The following VAV2 variants were observed in gnomAD, a reference collection of about 807,000 sequenced individuals.
VAV2 encodes guanine nucleotide exchange factor VAV2.
A neutral mutation model predicts 132.5 loss-of-function variants in VAV2; 67 were observed. The observed-to-expected ratio is 0.51, with a 90% CI of 0.42 to 0.62. The LOEUF (loss-of-function observed/expected upper bound fraction) is 0.62, where lower values mean the gene tolerates loss of function less well. Among genes scored for constraint, VAV2 ranks in the 20% least tolerant of loss-of-function variants. The pLI, the probability that VAV2 is intolerant of heterozygous loss-of-function variation, is 0.00. For missense variants in VAV2, 938 were observed against 1,153.6 expected, an observed-to-expected ratio of 0.81 and a Z score of 2.71; for synonymous variants, 492 against 443.5, an observed-to-expected ratio of 1.11 and a Z score of -1.37.
At chr9:133,844,450 G>A (rs1836851716) in intron 3 of VAV2, among the ~76,000 whole-genome samples, 2 of 152,198 alleles carry the variant, frequency 1.3e-5, no homozygotes, top group Admixed American at 6.5e-5. Context: ...TCAGAGAACG[G>A]GGCTGAGGGA....
At chr9:133,831,570 G>C (rs1014093764) in intron 4 of VAV2, among the ~76,000 whole-genome samples, 1 of 152,138 alleles carries the variant, frequency 6.6e-6, no homozygotes, top group Non-Finnish European at 1.5e-5. Flanking sequence ...GGGGGCTGTA[G>C]TTCAGGAAGT....
chr9:133,933,824 GTGGATGGA>G (rs1176880595), intron 2 of VAV2, among the ~76,000 whole-genome samples: 2 of 143,262 alleles, frequency 1.4e-5, no homozygotes, highest in African/African-American at 5.1e-5. Flanking sequence ...GAATGGATGA[GTGGATGGA>G]TGGATGGATG....
At chr9:133,772,077 G>GTGAGGGCCACACGGCCCCGGCGGTCACCT in intron 25 of VAV2, 31 bp from the exon 26 acceptor site, 1 of 1,597,076 alleles carries the variant, frequency 6.3e-7, no homozygotes, top group Non-Finnish European at 8.6e-7. Context: ...GGCGGTCACC[G>GTGAGGGCCACACGGCCCCGGCGGTCACCT]CGTGAGGGCC....
At chr9:133,915,179 T>C (rs1345229443) in intron 2 of VAV2, among the ~76,000 whole-genome samples, 1 of 152,122 alleles carries the variant, frequency 6.6e-6, no homozygotes, top group Non-Finnish European at 1.5e-5. Flanking sequence ...TAGTCCTCAT[T>C]GGCTCTGGGG....
At chr9:133,930,996 G>A (rs566587379) in intron 2 of VAV2, among the ~76,000 whole-genome samples, 7 of 152,314 alleles carry the variant, frequency 4.6e-5, no homozygotes, top group East Asian at 1.9e-4. Context: ...TCTTTAACTC[G>A]AGCAAGAGAA....
chr9:133,810,237 G>A (rs574874211), intron 5 of VAV2, 32 bp from the exon 6 acceptor site: 46 of 1,612,954 alleles, frequency 2.9e-5, no homozygotes, highest in South Asian at 1.5e-4. Context: ...CAGAAACAGC[G>A]CCGGTTAGCA....
chr9:133,780,769 A>T, intron 19 of VAV2, 59 bp from the exon 20 acceptor site: 1 of 1,257,242 alleles, frequency 8.0e-7, no homozygotes, highest in Admixed American at 4.2e-5. Context: ...GGCCCCGTGC[A>T]GCTCTCACTC....
chr9:133,789,991 C>T (rs1834387677), intron 13 of VAV2, among the ~76,000 whole-genome samples: 1 of 152,226 alleles, frequency 6.6e-6, no homozygotes, highest in South Asian at 2.1e-4. Flanking sequence ...CTCAGTGTCT[C>T]CTTCCAAGGT....
At chr9:133,813,523 C>T (rs1835438609) in intron 4 of VAV2, among the ~76,000 whole-genome samples, 1 of 152,246 alleles carries the variant, frequency 6.6e-6, no homozygotes, top group African/African-American at 2.4e-5. Context: ...GCCCTCAGCA[C>T]CTTCCCTGGA....
At chr9:133,875,477 G>T (rs751193199) in intron 2 of VAV2, among the ~76,000 whole-genome samples, 1 of 152,232 alleles carries the variant, frequency 6.6e-6, no homozygotes, top group Non-Finnish European at 1.5e-5. Context: ...GGGCAACCCA[G>T]AATTGTAGTC....
intron 5 of VAV2, 33 bp from the exon 6 acceptor site, chr9:133,810,238 C>A (rs758291514): frequency 1.2e-6 from 2 of 1,612,986 alleles, no homozygotes; most frequent in Admixed American, 3.3e-5. Flanking sequence ...AGAAACAGCG[C>A]CGGTTAGCAG....
chr9:133,960,586 T>C (rs1263113496), intron 1 of VAV2, among the ~76,000 whole-genome samples: 2 of 152,250 alleles, frequency 1.3e-5, no homozygotes, highest in Non-Finnish European at 2.9e-5. Flanking sequence ...CAAGGACTTA[T>C]CTGCGGAGAA....
chr9:133,972,115 A>G (rs906191356), intron 1 of VAV2, among the ~76,000 whole-genome samples: 4 of 152,130 alleles, frequency 2.6e-5, no homozygotes, highest in African/African-American at 7.2e-5. Context: ...CACACACCCC[A>G]AAGTCCCAAG....
chr9:133,772,767 T>A (rs1833674642), intron 25 of VAV2, among the ~76,000 whole-genome samples: 2 of 152,186 alleles, frequency 1.3e-5, no homozygotes, highest in South Asian at 4.1e-4. Flanking sequence ...GGGAGACCTG[T>A]CCTGAGAGAT....
At position 133,992,122 on chromosome 9, in the gene VAV2, C is replaced by T; in HGVS notation, c.157G>A (p.Gly53Ser). 6.3e-7 allele frequency: 1 copy of T among 1,592,328 alleles called. No homozygotes were observed. Among genetic ancestry groups the T allele is most frequent in the Non-Finnish European group, 8.5e-7 (1 of 1,170,166 alleles). The change falls in exon 1 of 30, where the codon GGC becomes AGC. Residue 53 changes from glycine (G) to serine (S), a missense_variant. Physicochemically the swap from Gly to Ser is moderately conservative, Grantham distance 56. Transcript: ENST00000371850. This position sits in a 1 kb window ranked among gnomAD's most constrained non-coding sequence, Gnocchi z 5.5. ...TTGATGTCCTTGAGGTCGATGGAGCCGGGGGAGAGGTTGTGCAGCAGCTGG... is the reference window on the plus strand; with the variant it reads ...TTGATGTCCTTGAGGTCGATGGAGCTGGGGGAGAGGTTGTGCAGCAGCTGG... ...LCQLLHNLSPGSIDLKDINFR... is the reference protein window; with the variant it reads ...LCQLLHNLSPSSIDLKDINFR...
rs542334490 is a variant in VAV2 at position 133,894,111 on chromosome 9, C to T, written c.322-32679G>A. 9.2e-5 allele frequency among the ~76,000 whole-genome samples: 14 copies of T among 152,344 alleles called. No homozygotes were observed. The South Asian group carries it at 2.5e-3, about 27-fold the overall frequency. ...CCCGTCAGAATTCAGGGAAGCTGCA[C>T]GGGTGAGACCCTAGAGGTCACCTCG... is the stretch of plus-strand genomic sequence containing the variant. On this transcript the variant is annotated intron_variant, in intron 2 of 29. Transcript: ENST00000371850.
Position 133,806,548 on chromosome 9 carries a change from C to T in VAV2, c.736-367G>A, listed in dbSNP as rs563111470. On this transcript the variant is annotated intron_variant, in intron 8 of 29. Transcript: ENST00000371850. ...ATCCCCACCCCGGGACCCCCATCCC[C>T]GCCCCAGGCCTCTTTCTGTCTGTGC... Among the ~76,000 whole-genome samples the T allele has an allele frequency of 1.7e-4, 26 of 152,296 alleles. No individual in the cohort carries two copies. In the South Asian group the frequency reaches 4.1e-3, roughly 24 times the overall value.
chr9:133,775,294 G>A (rs1300192887), intron 24 of VAV2, among the ~76,000 whole-genome samples: 1 of 152,182 alleles, frequency 6.6e-6, no homozygotes, highest in Non-Finnish European at 1.5e-5. Context: ...TCTTGAGAGG[G>A]GTTAAATAGA....
At chr9:133,829,603 T>C (rs2131764218) in intron 4 of VAV2, among the ~76,000 whole-genome samples, 1 of 152,338 alleles carries the variant, frequency 6.6e-6, no homozygotes, top group East Asian at 1.9e-4. Flanking sequence ...GTGACCCAGA[T>C]AATATTTTGA....
Sources: allele counts gnomAD v4.1 joint callset (sites outside exome capture counted in the v4.1 genomes callset), GRCh38; gene constraint gnomAD v4.1.1; non-coding constraint Gnocchi (gnomAD v3.1); transcripts MANE v1.5; gene names NCBI Gene and HGNC (gene_info 2026-07-23, HGNC 2026-07-21).